GHR: variants seen among roughly 807,000 people sequenced by gnomAD.
GHR encodes GH receptor.
A neutral mutation model predicts 67.1 loss-of-function variants in GHR; 35 were observed. The ratio of observed to expected loss-of-function variants is 0.52; its 90% CI spans 0.40 to 0.69. The LOEUF (loss-of-function observed/expected upper bound fraction) is 0.69, where lower values mean the gene tolerates loss of function less well. Ranked by LOEUF, GHR falls within the 30% of genes least tolerant of loss-of-function variation. The probability of loss-of-function intolerance (pLI) is 0.00; values close to 1 mark genes in which losing one functional copy is unlikely to be tolerated. For synonymous variants in GHR, 272 were observed against 269.1 expected (o/e 1.01, Z -0.10); for missense variants, 792 against 764.6 (o/e 1.04, Z -0.42).
At chr5:42,442,750 A>G (rs1169706380) in intron 1 of GHR, among the ~76,000 whole-genome samples, 1 of 152,200 alleles carries the variant, frequency 6.6e-6, no homozygotes, top group Non-Finnish European at 1.5e-5. Flanking sequence ...TATTAAGACT[A>G]TTGTGAAAAA....
chr5:42,695,260 AG>A (rs1157025779), intron 5 of GHR, among the ~76,000 whole-genome samples, 171 bp downstream of exon 5: 2 of 152,224 alleles, frequency 1.3e-5, no homozygotes, highest in South Asian at 4.1e-4. Context: ...GGAAAAGGGC[AG>A]GGGGAACTTA....
At chr5:42,478,272 T>A (rs1472775625) in intron 1 of GHR, among the ~76,000 whole-genome samples, 4 of 152,170 alleles carry the variant, frequency 2.6e-5, no homozygotes, top group Non-Finnish European at 5.9e-5. Context: ...TACCATGCTG[T>A]TTTGGTTACT....
chr5:42,484,982 G>A (rs368608403), intron 1 of GHR, among the ~76,000 whole-genome samples: 8 of 152,242 alleles, frequency 5.3e-5, no homozygotes, highest in Admixed American at 6.5e-5. Context: ...TTTACTTTAC[G>A]GCCAGGCAGG....
At chr5:42,579,155 G>T (rs75602761) in intron 2 of GHR, among the ~76,000 whole-genome samples, 28 of 39,238 alleles carry the variant, frequency 7.1e-4, no homozygotes, top group African/African-American at 1.8e-3. Context: ...GATAGATATA[G>T]ATAGATAGAT....
At chr5:42,431,646 T>C (rs559027318) in intron 1 of GHR, among the ~76,000 whole-genome samples, 4 of 152,362 alleles carry the variant, frequency 2.6e-5, no homozygotes, top group South Asian at 4.1e-4. Flanking sequence ...CTTTCTTCTT[T>C]TGTTGTTGAT....
intron 2 of GHR, among the ~76,000 whole-genome samples, chr5:42,615,223 C>A (rs1237641765): frequency 1.3e-5 from 2 of 151,892 alleles, no homozygotes; most frequent in Non-Finnish European, 2.9e-5. Flanking sequence ...AAAAAAAAAA[C>A]TGCTACAGAA....
Position 42,636,739 on chromosome 5 carries a change from C to T in GHR, c.136+7636C>T, listed in dbSNP as rs371310917. Reference sequence around the variant, plus strand: ...GTAACCAGACTTTAATACAACTTAACCTACACACTGAGAAAGCAGACATTT... The same window carrying T: ...GTAACCAGACTTTAATACAACTTAATCTACACACTGAGAAAGCAGACATTT... On this transcript the variant is annotated intron_variant, in intron 3 of 9. Coordinates refer to ENST00000230882, the MANE Select transcript of GHR (RefSeq NM_000163.5). Among the ~76,000 whole-genome samples, 14 of 152,234 alleles carry T rather than the reference C, an allele frequency of 9.2e-5. No homozygotes were observed. The East Asian group carries it at 2.7e-3, about 29-fold the overall frequency.
chr5:42,614,708 A>G (rs1239825623), intron 2 of GHR, among the ~76,000 whole-genome samples: 1 of 151,912 alleles, frequency 6.6e-6, no homozygotes, highest in Non-Finnish European at 1.5e-5. Context: ...GAAGGTTAAC[A>G]TTAGCAATTT....
intron 1 of GHR, chr5:42,467,797 C>G: frequency 6.8e-7 from 1 of 1,469,350 alleles, no homozygotes; most frequent in Non-Finnish European, 9.4e-7. Flanking sequence ...ACACATGCTA[C>G]AATGTAAAAG....
chr5:42,550,730 G>A (rs1579921979), intron 1 of GHR, among the ~76,000 whole-genome samples: 1 of 152,124 alleles, frequency 6.6e-6, no homozygotes, highest in Admixed American at 6.5e-5. Flanking sequence ...CACCGATGGG[G>A]GAAGCTGGAC....
At chr5:42,671,277 C>T (rs1259407142) in intron 3 of GHR, among the ~76,000 whole-genome samples, 1 of 152,028 alleles carries the variant, frequency 6.6e-6, no homozygotes, top group Non-Finnish European at 1.5e-5. Flanking sequence ...AGGCACATCA[C>T]ACAGGGGAAG....
intron 2 of GHR, among the ~76,000 whole-genome samples, chr5:42,599,633 G>A (rs1738117459): frequency 6.6e-6 from 1 of 152,016 alleles, no homozygotes; most frequent in Non-Finnish European, 1.5e-5. Context: ...CCAAAGTGCT[G>A]GGATTACAGG....
intron 1 of GHR, chr5:42,468,682 T>G: frequency 1.0e-6 from 1 of 995,792 alleles, no homozygotes; most frequent in Non-Finnish European, 1.6e-6. Flanking sequence ...CCTGCCGCCT[T>G]GGAGTTGGTC....
chr5:42,713,187 T>C (rs1337444778), intron 7 of GHR, among the ~76,000 whole-genome samples: 1 of 152,160 alleles, frequency 6.6e-6, no homozygotes, highest in Non-Finnish European at 1.5e-5. Flanking sequence ...TTTTGAACTA[T>C]ATGCTGTTTC....
intron 3 of GHR, among the ~76,000 whole-genome samples, chr5:42,686,345 C>T: frequency 2.2e-5 from 1 of 45,820 alleles, no homozygotes; most frequent in Admixed American, 2.8e-4. Context: ...GTTACTGTAG[C>T]CTTGTAGTAT....
chr5:42,660,592 A>G (rs1399121796), intron 3 of GHR, among the ~76,000 whole-genome samples: 2 of 152,130 alleles, frequency 1.3e-5, no homozygotes, highest in Non-Finnish European at 2.9e-5. Context: ...AAGGACATCC[A>G]CACCAAAAAC....
At chr5:42,718,406 A>C in intron 9 of GHR, 47 bp from the exon 10 acceptor site, 1 of 1,355,260 alleles carries the variant, frequency 7.4e-7, no homozygotes, top group Non-Finnish European at 1.1e-6. Flanking sequence ...TCATTTAATT[A>C]TTATGAGTTT....
intron 3 of GHR, chr5:42,647,534 A>G: frequency 3.0e-6 from 1 of 336,374 alleles, no homozygotes; most frequent in South Asian, 2.4e-5. Context: ...AGATCCTGCC[A>G]CTGCACTCCA....
At chr5:42,465,856 A>G (rs998747212) in intron 1 of GHR, 29 of 745,458 alleles carry the variant, frequency 3.9e-5, no homozygotes, top group Non-Finnish European at 6.2e-5. Flanking sequence ...TCAGTCTATC[A>G]ACTGAAAATT....
Sources: allele counts gnomAD v4.1 joint callset (sites outside exome capture counted in the v4.1 genomes callset), GRCh38; gene constraint gnomAD v4.1.1; transcripts MANE v1.5; gene names NCBI Gene and HGNC (gene_info 2026-07-23, HGNC 2026-07-21).